The following CCSER1 variants were observed in gnomAD, a reference collection of about 807,000 sequenced individuals.
CCSER1 encodes coiled-coil serine rich protein 1, also known as serine-rich coiled-coil domain-containing protein 1.
A neutral mutation model predicts 82.0 loss-of-function variants in CCSER1; 41 were observed. The observed-to-expected ratio is 0.50, with a 90% confidence interval of 0.39 to 0.65. The LOEUF (loss-of-function observed/expected upper bound fraction) is 0.65. Ranked by LOEUF, CCSER1 falls within the 30% of genes least tolerant of loss-of-function variation. The pLI, the probability that CCSER1 is intolerant of heterozygous loss-of-function variation, is 0.00. For synonymous variants in CCSER1, 414 were observed against 383.9 expected (o/e 1.08, Z -0.92); for missense variants, 1,119 against 1,064.2 (o/e 1.05, Z -0.72).
intron 10 of CCSER1, among the ~76,000 whole-genome samples, chr4:91,541,178 T>C (rs1761575341): frequency 6.6e-6 from 1 of 152,218 alleles, no homozygotes; most frequent in Non-Finnish European, 1.5e-5. Flanking sequence ...CTATGAAACA[T>C]AGAATTAGTC....
intron 10 of CCSER1, among the ~76,000 whole-genome samples, chr4:91,505,967 T>C (rs556398394): frequency 1.3e-5 from 2 of 152,208 alleles, no homozygotes; most frequent in African/African-American, 4.8e-5. Flanking sequence ...TTTTTGCTTT[T>C]GTTGCAATTG....
At chr4:91,041,386 T>G (rs1741943109) in intron 9 of CCSER1, among the ~76,000 whole-genome samples, 1 of 152,238 alleles carries the variant, frequency 6.6e-6, no homozygotes, top group Non-Finnish European at 1.5e-5. Context: ...TCTCCTGTGT[T>G]CTAGATTACT....
intron 3 of CCSER1, among the ~76,000 whole-genome samples, chr4:90,350,721 G>A (rs1454164539): frequency 6.6e-6 from 1 of 151,960 alleles, no homozygotes; most frequent in Non-Finnish European, 1.5e-5. Context: ...TCTATAAAAC[G>A]GGAAAGATGA....
chr4:90,517,206 T>C (rs9994165), intron 5 of CCSER1, among the ~76,000 whole-genome samples: 7,713 of 152,250 alleles, frequency 0.051, 240 homozygotes, highest in African/African-American at 0.056. Flanking sequence ...TATTGAATAC[T>C]GAACTGAAAT....
chr4:91,105,699 A>G (rs1253986368), intron 10 of CCSER1, among the ~76,000 whole-genome samples: 1 of 152,092 alleles, frequency 6.6e-6, no homozygotes, highest in East Asian at 1.9e-4. Flanking sequence ...GTGAGAATCC[A>G]TCTCAAAAAA....
chr4:91,152,473 C>T (rs1333737912), intron 10 of CCSER1, among the ~76,000 whole-genome samples: 1 of 151,360 alleles, frequency 6.6e-6, no homozygotes, highest in African/African-American at 2.4e-5. Context: ...TTATCTTTCT[C>T]TTTGCCAGTC....
chr4:90,234,220 T>C (rs1008617827), intron 1 of CCSER1, among the ~76,000 whole-genome samples: 2 of 151,696 alleles, frequency 1.3e-5, no homozygotes, highest in African/African-American at 4.8e-5. Context: ...TATTCTTTTT[T>C]TTTTTTTTCT....
intron 5 of CCSER1, among the ~76,000 whole-genome samples, chr4:90,533,267 T>G (rs1034949669): frequency 6.6e-6 from 1 of 151,924 alleles, no homozygotes; most frequent in Non-Finnish European, 1.5e-5. Context: ...ACTTTTTTTT[T>G]TGTATTTTTA....
intron 5 of CCSER1, among the ~76,000 whole-genome samples, chr4:90,605,254 C>A (rs1305889164): frequency 6.6e-6 from 1 of 152,190 alleles, no homozygotes; most frequent in Non-Finnish European, 1.5e-5. Flanking sequence ...TCTGCAGCTT[C>A]ATTCTTGAAG....
chr4:91,299,985 A>T (rs1744542422), intron 10 of CCSER1, among the ~76,000 whole-genome samples: 1 of 152,076 alleles, frequency 6.6e-6, no homozygotes, highest in Middle Eastern at 3.4e-3. Flanking sequence ...AACATTGCCA[A>T]GTTAGCAGCT....
rs542224297 is a variant in CCSER1 at position 90,724,761 on chromosome 4, A to G, written c.2010+770A>G. ...AGTATAGTTTGGTTTAAAGACGTGCACATTTTAAGATTATCACTTTTATGA... is the reference window on the plus strand; with the variant it reads ...AGTATAGTTTGGTTTAAAGACGTGCGCATTTTAAGATTATCACTTTTATGA... On this transcript the variant is annotated intron_variant, in intron 7 of 10. Coordinates refer to ENST00000509176, the MANE Select transcript of CCSER1 (RefSeq NM_001145065.2). 1.7e-4 allele frequency: 49 copies of G among 293,532 alleles called. 3 individuals are homozygous for G. The highest frequency in any genetic ancestry group is 1.5e-3 in the South Asian group (49 of 32,518). The allele number at this position is 293,532 out of a possible 1,614,324, so 18.2% of individuals were successfully genotyped here. A position where few individuals can be genotyped will look rare whatever the true frequency, so the allele number is the denominator to read the frequency against.
At chr4:90,923,660 T>G (rs930871631) in intron 9 of CCSER1, 14 of 424,492 alleles carry the variant, frequency 3.3e-5, no homozygotes, top group Non-Finnish European at 5.5e-5. Flanking sequence ...CTTATTAATT[T>G]TTTTACATCA....
At chr4:91,345,789 T>C (rs1452046240) in intron 10 of CCSER1, among the ~76,000 whole-genome samples, 2 of 152,176 alleles carry the variant, frequency 1.3e-5, no homozygotes, top group African/African-American at 2.4e-5. Context: ...CAGAGTATTA[T>C]GTAGGACAGT....
intron 10 of CCSER1, among the ~76,000 whole-genome samples, chr4:91,230,399 T>C (rs1382739503): frequency 6.6e-6 from 1 of 151,964 alleles, no homozygotes; most frequent in Non-Finnish European, 1.5e-5. Context: ...AATATAAGGG[T>C]TGATTGAGTT....
At chr4:90,537,778 A>G (rs1775598202) in intron 5 of CCSER1, among the ~76,000 whole-genome samples, 1 of 152,126 alleles carries the variant, frequency 6.6e-6, no homozygotes, top group African/African-American at 2.4e-5. Context: ...TAGCAAATCT[A>G]GGTACTTTAG....
intron 10 of CCSER1, among the ~76,000 whole-genome samples, chr4:91,511,573 C>T (rs1416031876): frequency 6.6e-6 from 1 of 152,160 alleles, no homozygotes; most frequent in Non-Finnish European, 1.5e-5. Context: ...GTTTTTACAG[C>T]CACTACGCAT....
intron 7 of CCSER1, among the ~76,000 whole-genome samples, chr4:90,796,239 G>GA (rs112170862): frequency 0.35 from 52,512 of 151,276 alleles, 9,411 homozygotes; most frequent in African/African-American, 0.46. Context: ...ATTTGTCCAG[G>GA]ATTTATTCAT....
At chr4:91,177,865 G>A (rs1733568187) in intron 10 of CCSER1, among the ~76,000 whole-genome samples, 1 of 152,096 alleles carries the variant, frequency 6.6e-6, no homozygotes, top group African/African-American at 2.4e-5. Flanking sequence ...TTTTGAAGGT[G>A]TTTGCTCTTG....
intron 10 of CCSER1, among the ~76,000 whole-genome samples, chr4:91,332,719 G>A (rs1747040834): frequency 1.3e-5 from 2 of 151,994 alleles, no homozygotes; most frequent in African/African-American, 4.8e-5. Context: ...CTACAGGTCT[G>A]TGGAACGTAA....
Sources: gnomAD v4.1 joint callset for allele counts (sites outside exome capture counted in the v4.1 genomes callset) on GRCh38, gnomAD v4.1.1 for gene constraint, MANE v1.5 for transcripts, NCBI Gene and HGNC (gene_info 2026-07-23, HGNC 2026-07-21) for gene names.